The following CENPW variants were observed in gnomAD, a reference collection of about 807,000 sequenced individuals.
CENPW encodes centromere protein W.
A neutral mutation model predicts 11.1 loss-of-function variants in CENPW; 3 were observed. The observed-to-expected ratio is 0.27, with a 90% CI of 0.12 to 0.70. CENPW has a LOEUF of 0.70. CENPW is among the 30% of genes least tolerant of loss of function. The probability of loss-of-function intolerance (pLI) is 0.77; values close to 1 mark genes in which losing one functional copy is unlikely to be tolerated. For synonymous variants in CENPW, 38 were observed against 42.0 expected (o/e 0.91, Z 0.37); for missense variants, 100 against 105.6 (o/e 0.95, Z 0.23).
the CENPW span, among the ~76,000 whole-genome samples, chr6:126,474,729 T>C: frequency 6.6e-6 from 1 of 152,326 alleles, no homozygotes; most frequent in African/African-American, 2.4e-5. Flanking sequence ...CTATTTCCTC[T>C]TATTCACTGG....
At chr6:126,416,226 A>G in the CENPW span, among the ~76,000 whole-genome samples, 4 of 152,246 alleles carry the variant, frequency 2.6e-5, no homozygotes, top group East Asian at 7.7e-4. Context: ...GGATTTATGG[A>G]ACGTTGAAAT....
chr6:126,413,148 A>G, the CENPW span, among the ~76,000 whole-genome samples: 5 of 152,294 alleles, frequency 3.3e-5, no homozygotes, highest in Admixed American at 6.5e-5. Context: ...ATAATAAAAG[A>G]TAACAAAATC....
At chr6:126,429,634 A>T in the CENPW span, among the ~76,000 whole-genome samples, 5 of 152,318 alleles carry the variant, frequency 3.3e-5, no homozygotes, top group South Asian at 1.0e-3. Context: ...GTGCCCATTA[A>T]AACTCTTTTC....
chr6:126,367,133 G>C, the CENPW span, among the ~76,000 whole-genome samples: 3 of 152,128 alleles, frequency 2.0e-5, no homozygotes, highest in East Asian at 3.9e-4. Context: ...ATATTTACCA[G>C]TGGAAAATTT....
the CENPW span, among the ~76,000 whole-genome samples, chr6:126,440,145 A>C: frequency 6.6e-6 from 1 of 151,684 alleles, no homozygotes; most frequent in East Asian, 1.9e-4. Flanking sequence ...GTATGTAGGT[A>C]TGGCTGCCTA....
chr6:126,482,298 C>T, the CENPW span, among the ~76,000 whole-genome samples: 1 of 152,028 alleles, frequency 6.6e-6, no homozygotes, highest in South Asian at 2.1e-4. Context: ...GTACAATTTT[C>T]CTTCCAGCAA....
the CENPW span, among the ~76,000 whole-genome samples, chr6:126,438,791 C>A: frequency 1.1e-3 from 164 of 151,692 alleles, no homozygotes; most frequent in Non-Finnish European, 1.9e-3. Context: ...TGAGATAGGA[C>A]TTAAAGATTC....
downstream of CENPW, among the ~76,000 whole-genome samples, chr6:126,350,669 T>C (rs1181328498): frequency 6.6e-6 from 1 of 152,168 alleles, no homozygotes; most frequent in Admixed American, 6.5e-5. Context: ...TAATGAGATA[T>C]AAGGGAAAGA....
chr6:126,357,935 T>G, the CENPW span, among the ~76,000 whole-genome samples: 1 of 152,178 alleles, frequency 6.6e-6, no homozygotes, highest in East Asian at 1.9e-4. Flanking sequence ...TTTCACCTCT[T>G]TGGTTAGCTG....
downstream of CENPW, among the ~76,000 whole-genome samples, chr6:126,352,784 C>T (rs971338231): frequency 5.3e-5 from 8 of 152,156 alleles, no homozygotes; most frequent in Admixed American, 4.6e-4. Flanking sequence ...ATTACTGCTA[C>T]ATTTGGTTTC....
chr6:126,380,592 G>T, the CENPW span, among the ~76,000 whole-genome samples: 1 of 152,296 alleles, frequency 6.6e-6, no homozygotes, highest in African/African-American at 2.4e-5. Flanking sequence ...TCCCCTTGAA[G>T]CCATGGATAG....
At chr6:126,357,978 C>T in the CENPW span, among the ~76,000 whole-genome samples, 1 of 152,036 alleles carries the variant, frequency 6.6e-6, no homozygotes, top group Admixed American at 6.6e-5. Flanking sequence ...TTTGTGGCTA[C>T]CATAAATGGG....
chr6:126,470,636 GA>G, the CENPW span, among the ~76,000 whole-genome samples: 4 of 152,204 alleles, frequency 2.6e-5, no homozygotes, highest in Middle Eastern at 3.2e-3. Flanking sequence ...TGTGCATGTG[GA>G]AAAGCTGCAG....
At chr6:126,389,607 A>G in the CENPW span, among the ~76,000 whole-genome samples, 32 of 151,780 alleles carry the variant, frequency 2.1e-4, no homozygotes, top group African/African-American at 7.7e-4. Flanking sequence ...TTTGAGTTCC[A>G]TAATACTCAG....
the CENPW span, among the ~76,000 whole-genome samples, chr6:126,402,397 C>T: frequency 6.6e-5 from 10 of 151,920 alleles, no homozygotes; most frequent in Non-Finnish European, 1.3e-4. Context: ...ATGTAATTCA[C>T]ATAACATCCA....
chr6:126,411,757 G>A, the CENPW span, among the ~76,000 whole-genome samples: 1 of 152,112 alleles, frequency 6.6e-6, no homozygotes, highest in East Asian at 1.9e-4. Context: ...GGGAACCTGA[G>A]CCAATAGTAA....
At chr6:126,433,595 A>G in the CENPW span, among the ~76,000 whole-genome samples, 4 of 152,200 alleles carry the variant, frequency 2.6e-5, no homozygotes, top group Non-Finnish European at 4.4e-5. Context: ...GCAGGGAACA[A>G]GAGGATTCTT....
the CENPW span, among the ~76,000 whole-genome samples, chr6:126,386,891 T>C: frequency 6.6e-6 from 1 of 151,934 alleles, no homozygotes; most frequent in Non-Finnish European, 1.5e-5. Context: ...AGAAATATAA[T>C]TAAAAATTAC....
the CENPW span, among the ~76,000 whole-genome samples, chr6:126,416,282 G>A: frequency 2.0e-5 from 3 of 152,142 alleles, no homozygotes; most frequent in Admixed American, 6.5e-5. Flanking sequence ...TTTCTAAGCA[G>A]CAAAGCATTC....
Sources: gnomAD v4.1 joint callset for allele counts (sites outside exome capture counted in the v4.1 genomes callset) on GRCh38, gnomAD v4.1.1 for gene constraint, MANE v1.5 for transcripts, NCBI Gene and HGNC (gene_info 2026-07-23, HGNC 2026-07-21) for gene names.